KATNAL1: variants seen among roughly 807,000 people sequenced by gnomAD.
KATNAL1 encodes katanin catalytic subunit A1 like 1, also known as katanin p60 ATPase-containing subunit A-like 1.
A neutral mutation model predicts 55.2 loss-of-function variants in KATNAL1; 32 were observed. The ratio of observed to expected loss-of-function variants is 0.58; its 90% CI spans 0.44 to 0.78. The LOEUF is 0.78. KATNAL1 is among the 30% of genes least tolerant of loss of function. KATNAL1 has a pLI of 0.00. For synonymous variants in KATNAL1, 193 were observed against 193.6 expected (o/e 1.00, Z 0.02); for missense variants, 466 against 600.9 (o/e 0.78, Z 2.35).
chr13:30,302,663 G>A (rs542792757), intron 1 of KATNAL1, among the ~76,000 whole-genome samples: 2 of 152,138 alleles, frequency 1.3e-5, no homozygotes, highest in Non-Finnish European at 2.9e-5. Flanking sequence ...AAGAAAATAA[G>A]AAATAAAATA....
In KATNAL1 at chr13:30,227,436, T is replaced by C; in HGVS notation, c.1123A>G (p.Arg375Gly). The C allele has an allele frequency of 6.2e-7, 1 of 1,613,884 alleles. No homozygotes were observed. Among genetic ancestry groups the C allele is most frequent in the Non-Finnish European group, 8.5e-7 (1 of 1,179,828 alleles). ...CCTGTTGGGAGAGGTATATATATCC[T>C]TTTTTCTAACCTTCTTCGCAAAGCT... is the stretch of plus-strand genomic sequence containing the variant. ...DEALRRRLEK[R>G]IYIPLPTAKG... The change falls in exon 9 of 11, where the codon AGG becomes GGG. Residue 375 changes from arginine (R) to glycine (G), a missense_variant. Transcript: ENST00000380615.
At chr13:30,248,489 A>G (rs1216078427) in intron 4 of KATNAL1, among the ~76,000 whole-genome samples, 1 of 152,270 alleles carries the variant, frequency 6.6e-6, no homozygotes, top group Non-Finnish European at 1.5e-5. Flanking sequence ...ACAGAAAAAG[A>G]TGTTTCTTAA....
intron 6 of KATNAL1, among the ~76,000 whole-genome samples, chr13:30,235,938 A>G (rs1311284918): frequency 1.3e-5 from 2 of 152,208 alleles, no homozygotes; most frequent in Non-Finnish European, 2.9e-5. Context: ...TATGTATTGT[A>G]TATGGTATTC....
At chr13:30,225,040 G>A (rs1181098135) in intron 9 of KATNAL1, among the ~76,000 whole-genome samples, 1 of 152,192 alleles carries the variant, frequency 6.6e-6, no homozygotes, top group African/African-American at 2.4e-5. Flanking sequence ...TCCACCTTCA[G>A]CTCTTGGTAG....
intron 3 of KATNAL1, among the ~76,000 whole-genome samples, chr13:30,260,523 AAAGG>A (rs1879188580): frequency 6.6e-6 from 1 of 152,240 alleles, no homozygotes; most frequent in Admixed American, 6.5e-5. Flanking sequence ...AGAAGTGCTT[AAAGG>A]AACTGATGGA....
chr13:30,294,461 T>C (rs1248753533), intron 1 of KATNAL1, among the ~76,000 whole-genome samples: 2 of 152,198 alleles, frequency 1.3e-5, no homozygotes, highest in Admixed American at 1.3e-4. Context: ...ACCCTAATTG[T>C]CTTCAATTCT....
At chr13:30,242,232 AT>A (rs1281171712) in intron 4 of KATNAL1, among the ~76,000 whole-genome samples, 1 of 152,222 alleles carries the variant, frequency 6.6e-6, no homozygotes, top group Non-Finnish European at 1.5e-5. Context: ...GAGCCTTCAT[AT>A]GGCACTGTAA....
chr13:30,203,375 C>G lies in KATNAL1; in HGVS notation c.*5165G>C, dbSNP rs1475349092. ...TAATTCAATTCATTCCTGCCTAAAA[C>G]TAAGCCTGGTTAACTGAGGTAGACT... is the stretch of plus-strand genomic sequence containing the variant. On this transcript the variant is annotated 3_prime_UTR_variant, in exon 11 of 11. Coordinates refer to ENST00000380615, the MANE Select transcript of KATNAL1 (RefSeq NM_032116.5). 2 of 152,196 alleles carry G rather than the reference C, an allele frequency of 1.3e-5. No individual in the cohort carries two copies. Among genetic ancestry groups the G allele is most frequent in the African/African-American group, 2.4e-5 (1 of 41,438 alleles). The allele number at this position is 152,196 out of a possible 1,614,324, so 9.4% of individuals were successfully genotyped here. A position where few individuals can be genotyped will look rare whatever the true frequency, so the allele number is the denominator to read the frequency against.
chr13:30,286,097 G>C (rs202105), intron 1 of KATNAL1, among the ~76,000 whole-genome samples: 3 of 152,346 alleles, frequency 2.0e-5, no homozygotes, highest in Non-Finnish European at 4.4e-5. Context: ...GCAGTGAATA[G>C]AGGTTTAGAA....
rs996876143 is a variant in KATNAL1, at chr13:30,207,291, G to A, written c.*1249C>T. On this transcript the variant is annotated 3_prime_UTR_variant, in exon 11 of 11. Transcript: ENST00000380615. Reference sequence around the variant, plus strand: ...TATTTTTCTGGCTTCTTTCTAATGTGTAATTCCTGCTGAATTGAGTGAGCA... The same window carrying A: ...TATTTTTCTGGCTTCTTTCTAATGTATAATTCCTGCTGAATTGAGTGAGCA... 1 of 152,164 alleles carries A rather than the reference G, an allele frequency of 6.6e-6. No homozygotes were observed. 9.4% of individuals were successfully genotyped at this position (152,164 alleles called of 1,614,324 possible).
At chr13:30,275,135 A>G (rs962196238) in intron 3 of KATNAL1, among the ~76,000 whole-genome samples, 1 of 152,108 alleles carries the variant, frequency 6.6e-6, no homozygotes, top group Admixed American at 6.5e-5. Flanking sequence ...TTATAAATAG[A>G]GGTTTACTTG....
At chr13:30,292,119 G>C (rs746201442) in intron 1 of KATNAL1, among the ~76,000 whole-genome samples, 1 of 152,146 alleles carries the variant, frequency 6.6e-6, no homozygotes, top group Non-Finnish European at 1.5e-5. Flanking sequence ...AAACTAGAGA[G>C]TCAAGAAACA....
rs764372529 is a variant in KATNAL1, at chr13:30,240,538, A to G, written c.648T>C (p.Ala216=). 6.2e-7 allele frequency: 1 copy of G among 1,613,574 alleles called. No homozygotes were observed. Among genetic ancestry groups the G allele is most frequent in the South Asian group, 1.1e-5 (1 of 91,054 alleles). The change falls in exon 6 of 11, where the codon GCT becomes GCC. Residue 216 remains alanine (A), a synonymous_variant. Transcript: ENST00000380615. ...CAACAGCTTCCCTTAGCAACTTCTT[A>G]GCTTCTTCCAGATCTGCTATGTCAT... ...HWDDIADLEE[A]KKLLREAVVL...
rs1417555491 is a variant in KATNAL1 at position 30,203,080 on chromosome 13, T to C, written c.*5460A>G. The C allele has an allele frequency of 6.6e-6, 1 of 152,196 alleles. No individual in the cohort carries two copies. Among genetic ancestry groups the C allele is most frequent in the East Asian group, 1.9e-4 (1 of 5,200 alleles). The allele number at this position is 152,196 out of a possible 1,614,324, so 9.4% of individuals were successfully genotyped here. A position where few individuals can be genotyped will look rare whatever the true frequency, so the allele number is the denominator to read the frequency against. On this transcript the variant is annotated 3_prime_UTR_variant, in exon 11 of 11. Coordinates refer to ENST00000380615, the MANE Select transcript of KATNAL1 (RefSeq NM_032116.5). ...TCAGGTTAGTTTGTATTTACAAAAC[T>C]CTAAGAAAATAGATGTGTGTTATGT...
intron 4 of KATNAL1, among the ~76,000 whole-genome samples, chr13:30,250,319 T>C (rs1292287040): frequency 6.6e-6 from 1 of 152,266 alleles, no homozygotes; most frequent in Non-Finnish European, 1.5e-5. Context: ...ATCTGATTAT[T>C]CTTCCAGTAT....
chr13:30,261,984 C>T (rs1879330611), intron 3 of KATNAL1, among the ~76,000 whole-genome samples: 1 of 152,186 alleles, frequency 6.6e-6, no homozygotes, highest in Admixed American at 6.5e-5. Context: ...TTCTCCTCAT[C>T]AAATGTAAAA....
At chr13:30,296,471 A>AGACACTTG (rs71093038) in intron 1 of KATNAL1, 18 of 749,472 alleles carry the variant, frequency 2.4e-5, no homozygotes, top group African/African-American at 1.9e-4. Flanking sequence ...TAATGTGGCA[A>AGACACTTG]TCTGAGGATT....
At chr13:30,282,695 T>G (rs1593943669) in intron 2 of KATNAL1, among the ~76,000 whole-genome samples, 1 of 149,882 alleles carries the variant, frequency 6.7e-6, no homozygotes, top group South Asian at 2.1e-4. Context: ...TGGCTCATGC[T>G]TGTAATCCCA....
In KATNAL1 at chr13:30,269,896, G is replaced by A. The variant is rs1035058556; in HGVS notation, c.323+10167C>T. Reference sequence around the variant, plus strand: ...CGCCCGGCAGCCACCCCGTCCAGGAGGGGGGGGTCAGCCCCCTGCCCGGCC... The same window carrying A: ...CGCCCGGCAGCCACCCCGTCCAGGAAGGGGGGGTCAGCCCCCTGCCCGGCC... On this transcript the variant is annotated intron_variant, in intron 3 of 10. Transcript: ENST00000380615. Among the ~76,000 whole-genome samples the A allele has an allele frequency of 1.3e-3, 199 of 150,616 alleles. 1 individual carries two copies. Among genetic ancestry groups the A allele is most frequent in the African/African-American group, 4.7e-3 (190 of 40,830 alleles).
Sources: allele counts gnomAD v4.1 joint callset (sites outside exome capture counted in the v4.1 genomes callset), GRCh38; gene constraint gnomAD v4.1.1; transcripts MANE v1.5; gene names NCBI Gene and HGNC (gene_info 2026-07-23, HGNC 2026-07-21).